Variants in GRIK4 observed in about 807,000 individuals in gnomAD.
GRIK4 encodes glutamate receptor ionotropic, kainate 4.
Under a neutral mutation model 104.9 loss-of-function variants are expected in GRIK4, and 40 were observed. The ratio of observed to expected loss-of-function variants is 0.38; its 90% CI spans 0.30 to 0.50. The LOEUF (loss-of-function observed/expected upper bound fraction) is 0.50. Ranked by LOEUF, GRIK4 falls within the 20% of genes least tolerant of loss-of-function variation. The pLI, the probability that GRIK4 is intolerant of heterozygous loss-of-function variation, is 0.93. For synonymous variants in GRIK4, 485 were observed against 524.9 expected, an observed-to-expected ratio of 0.92 and a Z score of 1.04; for missense variants, 1,047 against 1,308.1, an observed-to-expected ratio of 0.80 and a Z score of 3.08.
Position 120,597,368 on chromosome 11 carries a change from C to A in GRIK4, c.-158-56317C>A, listed in dbSNP as rs186571576. Among the ~76,000 whole-genome samples the A allele has an allele frequency of 5.9e-5, 9 of 152,320 alleles. No individual in the cohort carries two copies. In the South Asian group the frequency reaches 1.7e-3, roughly 28 times the overall value. ...GTGAGATCATGTATGCAAAGCACCC[C>A]TCTTGGGGCTGCACACGGTGGGAGC... is the stretch of plus-strand genomic sequence containing the variant. On this transcript the variant is annotated intron_variant, in intron 1 of 20. Transcript: ENST00000527524.
intron 11 of GRIK4, among the ~76,000 whole-genome samples, chr11:120,895,436 C>G (rs879370204): frequency 6.6e-6 from 1 of 152,178 alleles, no homozygotes; most frequent in Admixed American, 6.5e-5. Flanking sequence ...ATCCATTTTT[C>G]AGACAGGGAA....
intron 3 of GRIK4, among the ~76,000 whole-genome samples, chr11:120,721,563 A>G (rs1445355661): frequency 2.6e-5 from 4 of 152,122 alleles, no homozygotes; most frequent in Non-Finnish European, 4.4e-5. Flanking sequence ...TGTGGGAAGA[A>G]CCAGGTGAAG....
intron 2 of GRIK4, among the ~76,000 whole-genome samples, chr11:120,654,930 G>T (rs1949680648): frequency 6.6e-6 from 1 of 152,008 alleles, no homozygotes; most frequent in Non-Finnish European, 1.5e-5. Flanking sequence ...CCCCTTCTCG[G>T]CATATATTAC....
At chr11:120,783,391 T>TC (rs1340158764) in intron 3 of GRIK4, among the ~76,000 whole-genome samples, 5 of 152,052 alleles carry the variant, frequency 3.3e-5, no homozygotes, top group African/African-American at 1.2e-4. Flanking sequence ...TTTCTTCCCT[T>TC]CCTCCTCTTC....
intron 13 of GRIK4, among the ~76,000 whole-genome samples, chr11:120,918,707 G>T (rs143967091): frequency 6.6e-6 from 1 of 152,134 alleles, no homozygotes; most frequent in Non-Finnish European, 1.5e-5. Flanking sequence ...AATGAGACCC[G>T]GTGTATAAGT....
intron 8 of GRIK4, among the ~76,000 whole-genome samples, chr11:120,840,596 G>A (rs1247453056): frequency 6.6e-6 from 1 of 152,210 alleles, no homozygotes; most frequent in East Asian, 1.9e-4. Flanking sequence ...GAGGAAGTAA[G>A]TCCTGGCAGG....
At position 120,902,528 on chromosome 11, in the gene GRIK4, T is replaced by C. The variant is rs1188597946; in HGVS notation, c.1273-2762T>C. On this transcript the variant is annotated intron_variant, in intron 12 of 20. Coordinates refer to ENST00000527524, the MANE Select transcript of GRIK4 (RefSeq NM_014619.5). The surrounding 1 kb of genome is among the most constrained non-coding windows in gnomAD (Gnocchi z 4.5). ...CAATGGGACATTACCAGTCCTGAGA[T>C]GGAAACCCCCAGCCATGCCCTGTCC... Among the ~76,000 whole-genome samples, 1 of 152,132 alleles carries C rather than the reference T, an allele frequency of 6.6e-6. No homozygotes were observed. The highest frequency in any genetic ancestry group is 6.5e-5 in the Admixed American group (1 of 15,284).
chr11:120,530,876 C>T (rs181407514), intron 1 of GRIK4, among the ~76,000 whole-genome samples: 7 of 152,300 alleles, frequency 4.6e-5, no homozygotes, highest in Non-Finnish European at 7.3e-5. Flanking sequence ...CTACAGTGGA[C>T]GGCACCTGTG....
intron 1 of GRIK4, among the ~76,000 whole-genome samples, chr11:120,607,048 A>G (rs988246773): frequency 1.3e-5 from 2 of 152,162 alleles, no homozygotes; most frequent in African/African-American, 4.8e-5. Flanking sequence ...ATGGCAAGGG[A>G]ATGCCACAAT....
chr11:120,905,869 C>A lies in GRIK4; in HGVS notation c.1476+376C>A, dbSNP rs1007615363. 3.3e-5 allele frequency among the ~76,000 whole-genome samples: 5 copies of A among 152,146 alleles called. No homozygotes were observed. The highest frequency in any genetic ancestry group is 1.2e-4 in the African/African-American group (5 of 41,422). On this transcript the variant is annotated intron_variant, in intron 13 of 20. Transcript: ENST00000527524. This position sits in a 1 kb window ranked among gnomAD's most constrained non-coding sequence, Gnocchi z 5.1. ...CAGGTCCTGGGAGAAGAGAATGCAC[C>A]CACATCAGCTGGCTTGGATCCTTGA... is the stretch of plus-strand genomic sequence containing the variant.
intron 7 of GRIK4, among the ~76,000 whole-genome samples, chr11:120,833,891 G>T (rs1953502072): frequency 6.6e-6 from 1 of 151,970 alleles, no homozygotes; most frequent in Non-Finnish European, 1.5e-5. Context: ...TTTTCCCCAT[G>T]TCATTAAACA....
rs552977859 is a variant in GRIK4, at chr11:120,854,585, G to T, written c.745-7374G>T. Among the ~76,000 whole-genome samples the T allele has an allele frequency of 3.3e-5, 5 of 152,324 alleles. No individual in the cohort carries two copies. In the East Asian group the frequency reaches 7.7e-4, roughly 24 times the overall value. On this transcript the variant is annotated intron_variant, in intron 8 of 20. Coordinates refer to ENST00000527524, the MANE Select transcript of GRIK4 (RefSeq NM_014619.5). ...CCAGCCACCTTTGTGGCGTGATCTG[G>T]TGGGCTTCAGGAAGGCCTCCGCACA...
At chr11:120,725,898 G>A (rs73588374) in intron 3 of GRIK4, among the ~76,000 whole-genome samples, 7,372 of 152,174 alleles carry the variant, frequency 0.048, 602 homozygotes, top group African/African-American at 0.17. Context: ...TCTAGTGATG[G>A]TGGTGGTGGG....
intron 6 of GRIK4, among the ~76,000 whole-genome samples, 174 bp downstream of exon 6, chr11:120,820,094 TG>T (rs2135543885): frequency 6.6e-6 from 1 of 151,354 alleles, no homozygotes; most frequent in South Asian, 2.1e-4. Context: ...TGTGTGTGTG[TG>T]TGTGTGTGTG....
At chr11:120,752,968 C>T (rs1951583590) in intron 3 of GRIK4, among the ~76,000 whole-genome samples, 1 of 152,242 alleles carries the variant, frequency 6.6e-6, no homozygotes, top group African/African-American at 2.4e-5. Context: ...CTGGAGGTGC[C>T]TCCTCGTGGG....
rs987300349 is a variant in GRIK4 at position 120,751,822 on chromosome 11, G to A, written c.83-50871G>A. On this transcript the variant is annotated intron_variant, in intron 3 of 20. Transcript: ENST00000527524. ...TGTGCTCCCCTCAGCAGCAGTCCTC[G>A]GTGCTGAGTGGGAGGATGATCCTGG... 2.2e-4 allele frequency among the ~76,000 whole-genome samples: 34 copies of A among 152,258 alleles called. 1 individual carries two copies. The highest frequency in any genetic ancestry group is 6.5e-4 in the African/African-American group (27 of 41,546).
intron 1 of GRIK4, among the ~76,000 whole-genome samples, chr11:120,588,536 G>C (rs1948697278): frequency 6.6e-6 from 1 of 152,122 alleles, no homozygotes; most frequent in East Asian, 1.9e-4. Flanking sequence ...GGTCAGGAAA[G>C]CCTGACAGCA....
At position 120,925,391 on chromosome 11, in the gene GRIK4, C is replaced by T. The variant is rs373560001; in HGVS notation, c.1477-14956C>T. On this transcript the variant is annotated intron_variant, in intron 13 of 20. Transcript: ENST00000527524. ...CCAGCTTTACACAGGCCCCCGATCA[C>T]GCCTGGAACCCATAGCCTCGAAATA... Among the ~76,000 whole-genome samples, 32 of 152,302 alleles carry T rather than the reference C, an allele frequency of 2.1e-4. No individual in the cohort carries two copies. The East Asian group carries it at 4.3e-3, about 20-fold the overall frequency.
At chr11:120,920,592 G>C (rs1369407598) in intron 13 of GRIK4, among the ~76,000 whole-genome samples, 1 of 152,108 alleles carries the variant, frequency 6.6e-6, no homozygotes, top group African/African-American at 2.4e-5. Context: ...TATATGCGCT[G>C]TTCCAACCTA....
Sources: allele counts gnomAD v4.1 joint callset (sites outside exome capture counted in the v4.1 genomes callset), GRCh38; gene constraint gnomAD v4.1.1; non-coding constraint Gnocchi (gnomAD v3.1); transcripts MANE v1.5; gene names NCBI Gene and HGNC (gene_info 2026-07-23, HGNC 2026-07-21).